The following GRIP1 variants were observed in gnomAD, a reference collection of about 807,000 sequenced individuals.
GRIP1 encodes glutamate receptor interacting protein 1.
Under a neutral mutation model 129.9 loss-of-function variants are expected in GRIP1, and 45 were observed. The ratio of observed to expected loss-of-function variants is 0.35; its 90% CI spans 0.27 to 0.44. GRIP1 has a LOEUF of 0.44. GRIP1 is among the 20% of genes least tolerant of loss of function. The pLI is 1.00. For missense variants in GRIP1, 1,196 were observed against 1,396.8 expected, an observed-to-expected ratio of 0.86 and a Z score of 2.29; for synonymous variants, 530 against 520.8, an observed-to-expected ratio of 1.02 and a Z score of -0.24.
intron 2 of GRIP1, among the ~76,000 whole-genome samples, chr12:66,560,930 C>A (rs1411015018): frequency 1.3e-5 from 2 of 152,108 alleles, no homozygotes; most frequent in Non-Finnish European, 2.9e-5. Flanking sequence ...GATTTGGAAG[C>A]AACCTGTGTT....
chr12:66,627,253 A>T (rs1816740362), intron 1 of GRIP1, among the ~76,000 whole-genome samples: 1 of 152,208 alleles, frequency 6.6e-6, no homozygotes. Flanking sequence ...TGCAATCCTG[A>T]AATTCAACAC....
chr12:66,632,589 G>A (rs117899444), intron 1 of GRIP1, among the ~76,000 whole-genome samples: 2 of 152,080 alleles, frequency 1.3e-5, no homozygotes, highest in Non-Finnish European at 2.9e-5. Context: ...TTATCGATTT[G>A]TATAGACACA....
At chr12:67,069,330 G>A (rs1460046206), upstream of GRIP1, among the ~76,000 whole-genome samples, 2 of 135,632 alleles carry the variant, frequency 1.5e-5, no homozygotes, top group African/African-American at 2.7e-5. Flanking sequence ...CGGCGGCGGC[G>A]GCCGGGCCGG....
At chr12:66,849,940 T>G (rs1297117408) in intron 1 of GRIP1, among the ~76,000 whole-genome samples, 1 of 152,144 alleles carries the variant, frequency 6.6e-6, no homozygotes, top group African/African-American at 2.4e-5. Context: ...GCTGGAGAGC[T>G]CCAACCCAGT....
At chr12:67,016,305 TAGAC>T (rs544561180) in intron 1 of GRIP1, among the ~76,000 whole-genome samples, 16 of 152,208 alleles carry the variant, frequency 1.1e-4, no homozygotes, top group South Asian at 1.0e-3. Context: ...CGACAACAGA[TAGAC>T]AGACAACCAA....
At chr12:66,561,140 GA>G (rs1375203139) in intron 2 of GRIP1, among the ~76,000 whole-genome samples, 1 of 152,106 alleles carries the variant, frequency 6.6e-6, no homozygotes, top group African/African-American at 2.4e-5. Flanking sequence ...TAAAACAATT[GA>G]ATTCATGGAG....
At chr12:66,573,489 G>A (rs377592200) in intron 2 of GRIP1, among the ~76,000 whole-genome samples, 9 of 152,112 alleles carry the variant, frequency 5.9e-5, no homozygotes, top group African/African-American at 1.2e-4. Context: ...GTATTAACTC[G>A]TATAATCCTC....
intron 1 of GRIP1, among the ~76,000 whole-genome samples, chr12:67,055,182 C>T (rs1037644742): frequency 8.5e-5 from 13 of 152,248 alleles, no homozygotes; most frequent in African/African-American, 3.1e-4. Context: ...TAAAGAGATG[C>T]CTGTTTTTAA....
intron 1 of GRIP1, among the ~76,000 whole-genome samples, chr12:66,709,990 C>T (rs957034698): frequency 3.3e-5 from 5 of 151,926 alleles, no homozygotes; most frequent in Non-Finnish European, 5.9e-5. Flanking sequence ...ACTAAGGAAA[C>T]GCCATTCTCA....
At chr12:66,394,094 A>G (rs2056699026) in intron 17 of GRIP1, 114 bp downstream of exon 17, 1 of 1,061,904 alleles carries the variant, frequency 9.4e-7, no homozygotes. Context: ...TCCTTTGTGC[A>G]GATTTTTAAA....
At chr12:66,472,546 T>C (rs2059467614) in intron 7 of GRIP1, among the ~76,000 whole-genome samples, 3 of 152,186 alleles carry the variant, frequency 2.0e-5, no homozygotes, top group Non-Finnish European at 2.9e-5. Flanking sequence ...GATGGTCAAA[T>C]AGGAACAGCT....
intron 1 of GRIP1, among the ~76,000 whole-genome samples, chr12:66,887,425 T>C (rs752855369): frequency 6.6e-6 from 1 of 152,202 alleles, no homozygotes; most frequent in Non-Finnish European, 1.5e-5. Flanking sequence ...GTTATGAGGA[T>C]TGAATGAGTG....
At chr12:66,771,971 A>G (rs927281006) in intron 1 of GRIP1, among the ~76,000 whole-genome samples, 3 of 152,260 alleles carry the variant, frequency 2.0e-5, no homozygotes, top group African/African-American at 7.2e-5. Flanking sequence ...CAGGAAAATT[A>G]TAATAAATAT....
chr12:66,917,596 C>T (rs879687931), intron 1 of GRIP1, among the ~76,000 whole-genome samples: 1 of 152,128 alleles, frequency 6.6e-6, no homozygotes, highest in Non-Finnish European at 1.5e-5. Flanking sequence ...TTATCACATG[C>T]CAAGTGTAGT....
chr12:66,859,279 A>AC (rs2040065356), intron 1 of GRIP1, among the ~76,000 whole-genome samples: 1 of 13,480 alleles, frequency 7.4e-5, no homozygotes, highest in East Asian at 7.1e-3. Flanking sequence ...AAAAAAACAA[A>AC]AAAACAAAAA....
At chr12:66,378,932 G>A (rs1268579467) in intron 20 of GRIP1, among the ~76,000 whole-genome samples, 2 of 151,994 alleles carry the variant, frequency 1.3e-5, no homozygotes, top group Non-Finnish European at 2.9e-5. Flanking sequence ...GGGCAGCAGA[G>A]TGAGACTCTG....
upstream of GRIP1, among the ~76,000 whole-genome samples, chr12:66,806,642 TAG>T (rs149426251): frequency 0.044 from 6,749 of 152,202 alleles, 480 homozygotes; most frequent in African/African-American, 0.15. Context: ...AACATTTCAC[TAG>T]AGTTTGATTT....
chr12:66,740,185 T>C (rs184744559), intron 1 of GRIP1, among the ~76,000 whole-genome samples: 106 of 152,328 alleles, frequency 7.0e-4, no homozygotes, highest in Non-Finnish European at 1.1e-3. Context: ...GTTAGATCAC[T>C]GATGATGAAT....
chr12:66,819,470 T>C (rs1039406506), intron 1 of GRIP1, among the ~76,000 whole-genome samples: 1 of 152,206 alleles, frequency 6.6e-6, no homozygotes, highest in Non-Finnish European at 1.5e-5. Context: ...AATTAAACCA[T>C]TGCCTAACGT....
Sources: allele counts gnomAD v4.1 joint callset (sites outside exome capture counted in the v4.1 genomes callset), GRCh38; gene constraint gnomAD v4.1.1; transcripts MANE v1.5; gene names NCBI Gene and HGNC (gene_info 2026-07-23, HGNC 2026-07-21).